Variants in ZNF208 observed in about 807,000 individuals in gnomAD.
ZNF208 encodes zinc finger protein 208, also known as zinc finger protein 95.
A neutral mutation model predicts 12.1 loss-of-function variants in ZNF208; 10 were observed. The observed-to-expected ratio is 0.83, with a 90% CI of 0.51 to 1.40. The LOEUF is 1.40. ZNF208 is among the 40% of genes most tolerant of loss of function. The pLI, the probability that ZNF208 is intolerant of heterozygous loss-of-function variation, is 0.00. For missense variants in ZNF208, 1,652 were observed against 1,485.0 expected, an observed-to-expected ratio of 1.11 and a Z score of -1.85; for synonymous variants, 497 against 488.4, an observed-to-expected ratio of 1.02 and a Z score of -0.23.
At chr19:21,947,081 TGTCTTA>T (rs1969825934) in intron 4 of ZNF208, among the ~76,000 whole-genome samples, 1 of 152,166 alleles carries the variant, frequency 6.6e-6, no homozygotes, top group South Asian at 2.1e-4. Flanking sequence ...AGTCAGTCAG[TGTCTTA>T]GTCATCAGAT....
intron 4 of ZNF208, among the ~76,000 whole-genome samples, chr19:21,950,133 T>C: frequency 6.6e-6 from 1 of 152,236 alleles, no homozygotes; most frequent in East Asian, 1.9e-4. Context: ...TTTTAAAGTG[T>C]ACTCAACTTA....
At chr19:21,946,959 C>A (rs1438975223) in intron 4 of ZNF208, among the ~76,000 whole-genome samples, 2 of 150,932 alleles carry the variant, frequency 1.3e-5, no homozygotes, top group African/African-American at 4.9e-5. Context: ...TTTTTCATTT[C>A]ATTTTTTTTC....
intron 1 of ZNF208, among the ~76,000 whole-genome samples, chr19:21,995,873 A>G (rs1296715690): frequency 6.6e-6 from 1 of 152,178 alleles, no homozygotes; most frequent in Non-Finnish European, 1.5e-5. Context: ...AAAAAGCCAC[A>G]CTCCCAAAAA....
intron 4 of ZNF208, among the ~76,000 whole-genome samples, chr19:21,960,447 CCTA>C (rs1599605889): frequency 6.6e-6 from 1 of 152,080 alleles, no homozygotes; most frequent in East Asian, 1.9e-4. Context: ...ATGAAATCAA[CCTA>C]AGTGTACATC....
At chr19:21,988,530 T>G (rs146208008) in intron 2 of ZNF208, among the ~76,000 whole-genome samples, 4 of 152,178 alleles carry the variant, frequency 2.6e-5, no homozygotes, top group Non-Finnish European at 5.9e-5. Context: ...ATGCAGGCCT[T>G]CATTAAGTCA....
In ZNF208 at chr19:21,971,314, G is replaced by GCA. The variant is rs1970277011; in HGVS notation, c.3719_3720insTG (p.Thr1241AlafsTer6). The GCA allele has an allele frequency of 1.3e-6, 2 of 1,585,822 alleles. No homozygotes were observed. Among genetic ancestry groups the GCA allele is most frequent in the Admixed American group, 1.7e-5 (1 of 57,536 alleles). ...CAGTATGAATTACCTTATGTTTAGT[G>GCA]AGGATTGAGAACGTACTAAAGGCTT... On this transcript the variant is annotated frameshift_variant, in exon 4 of 4. Transcript: ENST00000397126. LOFTEE classifies it low-confidence loss of function (END_TRUNC).
intron 1 of ZNF208, among the ~76,000 whole-genome samples, chr19:21,996,366 C>A (rs1970835713): frequency 6.6e-6 from 1 of 151,984 alleles, no homozygotes; most frequent in Admixed American, 6.6e-5. Context: ...GGATATACAT[C>A]ATTAAGGTTA....
chr19:21,995,446 A>C (rs1226654182), intron 1 of ZNF208, among the ~76,000 whole-genome samples: 1 of 152,216 alleles, frequency 6.6e-6, no homozygotes, highest in African/African-American at 2.4e-5. Context: ...CTGGGACAGA[A>C]GCAGAATTAA....
chr19:21,992,468 C>A (rs1970757932), intron 1 of ZNF208, among the ~76,000 whole-genome samples: 1 of 152,156 alleles, frequency 6.6e-6, no homozygotes, highest in South Asian at 2.1e-4. Context: ...TATCTCCTAA[C>A]AATTTTTAAA....
chr19:21,958,258 A>T (rs1268811483), intron 4 of ZNF208, among the ~76,000 whole-genome samples: 1 of 152,112 alleles, frequency 6.6e-6, no homozygotes, highest in Non-Finnish European at 1.5e-5. Context: ...TCATTGTTTC[A>T]AACGTTTTGA....
At chr19:21,953,990 C>G (rs1599603451) in intron 4 of ZNF208, among the ~76,000 whole-genome samples, 2 of 152,310 alleles carry the variant, frequency 1.3e-5, no homozygotes, top group East Asian at 1.9e-4. Context: ...AAATTTCCCT[C>G]TACACACTGC....
At chr19:21,984,776 G>T (rs1421633237) in intron 3 of ZNF208, among the ~76,000 whole-genome samples, 2 of 151,926 alleles carry the variant, frequency 1.3e-5, no homozygotes, top group Non-Finnish European at 2.9e-5. Flanking sequence ...AGACAATAAA[G>T]TACCCAACAA....
chr19:21,952,933 T>C (rs554176916), intron 4 of ZNF208, among the ~76,000 whole-genome samples: 18 of 152,078 alleles, frequency 1.2e-4, no homozygotes, highest in Non-Finnish European at 2.5e-4. Context: ...AAAGGTTAGA[T>C]GAATGGCTAA....
At chr19:21,955,467 A>G (rs972215442) in intron 4 of ZNF208, among the ~76,000 whole-genome samples, 1 of 152,152 alleles carries the variant, frequency 6.6e-6, no homozygotes, top group African/African-American at 2.4e-5. Context: ...AGGTACACCA[A>G]TCAGACGTAG....
chr19:21,995,372 A>G (rs1970815623), intron 1 of ZNF208, among the ~76,000 whole-genome samples: 1 of 152,196 alleles, frequency 6.6e-6, no homozygotes, highest in South Asian at 2.1e-4. Flanking sequence ...TCATCTGGCT[A>G]CCAACCAGAG....
chr19:21,954,407 C>A (rs11880928), intron 4 of ZNF208, among the ~76,000 whole-genome samples: 1 of 152,062 alleles, frequency 6.6e-6, no homozygotes, highest in Non-Finnish European at 1.5e-5. Context: ...TTCTGTCTCA[C>A]TGATCTGTCT....
chr19:21,968,148 A>G lies in ZNF208; in HGVS notation c.*3043T>C, dbSNP rs1219715590. On this transcript the variant is annotated 3_prime_UTR_variant, in exon 4 of 4. Transcript: ENST00000397126. ...TTAGAACTCTTTTGGTGAAACCTTTAAAGTATTCTAGGTGGACAATTCTTT... is the reference window on the plus strand; with the variant it reads ...TTAGAACTCTTTTGGTGAAACCTTTGAAGTATTCTAGGTGGACAATTCTTT... 6.6e-6 allele frequency: 1 copy of G among 152,206 alleles called. No homozygotes were observed. Among genetic ancestry groups the G allele is most frequent in the South Asian group, 2.1e-4 (1 of 4,828 alleles). 9.4% of individuals were successfully genotyped at this position (152,206 alleles called of 1,614,324 possible).
chr19:21,980,108 A>T (rs1970508232), intron 3 of ZNF208, among the ~76,000 whole-genome samples: 1 of 152,136 alleles, frequency 6.6e-6, no homozygotes, highest in Admixed American at 6.5e-5. Flanking sequence ...AGAGACTTAG[A>T]TACCCATACT....
chr19:21,999,999 T>A (rs1223034521), intron 1 of ZNF208, among the ~76,000 whole-genome samples: 1 of 152,072 alleles, frequency 6.6e-6, no homozygotes, highest in Non-Finnish European at 1.5e-5. Context: ...AGAATGTTTA[T>A]GGGGGGAAAA....
Sources: allele counts gnomAD v4.1 joint callset (sites outside exome capture counted in the v4.1 genomes callset), GRCh38; gene constraint gnomAD v4.1.1; transcripts MANE v1.5; gene names NCBI Gene and HGNC (gene_info 2026-07-23, HGNC 2026-07-21).